The following RASGEF1C variants were observed in gnomAD, a reference collection of about 807,000 sequenced individuals.
RASGEF1C encodes the protein ras-GEF domain-containing family member 1C.
A neutral mutation model predicts 58.1 loss-of-function variants in RASGEF1C; 27 were observed. That is an observed-to-expected ratio of 0.46 (90% confidence interval 0.34 to 0.64). RASGEF1C has a LOEUF of 0.64. Ranked by LOEUF, RASGEF1C falls within the 30% of genes least tolerant of loss-of-function variation. The probability of loss-of-function intolerance (pLI) is 0.01; values close to 1 mark genes in which losing one functional copy is unlikely to be tolerated. For synonymous variants in RASGEF1C, 243 were observed against 246.3 expected (o/e 0.99, Z 0.13); for missense variants, 502 against 605.1 (o/e 0.83, Z 1.79).
Position 180,154,774 on chromosome 5 carries a change from G to A in RASGEF1C, c.-6-16716C>T, listed in dbSNP as rs1047792469. ...TTTTTTGTATTTTTAGTAGAGACAG[G>A]GTTTCACTGTGTTAGCCAGGATGGT... On this transcript the variant is annotated intron_variant, in intron 1 of 13. Coordinates refer to ENST00000361132, the MANE Select transcript of RASGEF1C (RefSeq NM_175062.4). 5.3e-5 allele frequency among the ~76,000 whole-genome samples: 8 copies of A among 152,146 alleles called. No individual in the cohort carries two copies. In the South Asian group the frequency reaches 1.5e-3, roughly 28 times the overall value.
At chr5:180,120,426 G>A (rs1397992722) in intron 7 of RASGEF1C, among the ~76,000 whole-genome samples, 1 of 152,230 alleles carries the variant, frequency 6.6e-6, no homozygotes, top group Non-Finnish European at 1.5e-5. Context: ...CTCAGCACCT[G>A]CTGCGGAGAG....
At chr5:180,115,412 A>C (rs1041254863) in intron 10 of RASGEF1C, 10 of 351,102 alleles carry the variant, frequency 2.8e-5, no homozygotes, top group Non-Finnish European at 5.1e-5. Context: ...GAAGGAAAAG[A>C]AAGGCTCACG....
chr5:180,191,326 A>C (rs1756157904), intron 1 of RASGEF1C, among the ~76,000 whole-genome samples: 3 of 152,020 alleles, frequency 2.0e-5, no homozygotes, highest in Admixed American at 2.0e-4. Context: ...CCACACAAAG[A>C]CTTGCTTATA....
At chr5:180,208,636 A>C (rs1756536372) in intron 1 of RASGEF1C, among the ~76,000 whole-genome samples, 1 of 152,120 alleles carries the variant, frequency 6.6e-6, no homozygotes, top group African/African-American at 2.4e-5. Context: ...GTGCACCGGC[A>C]GGTCTGCTTT....
In RASGEF1C at chr5:180,138,004, T is replaced by C; in HGVS notation, c.49A>G (p.Ser17Gly). Residue 17 changes from serine (S) to glycine (G), a missense_variant, in exon 2 of 14, where the codon AGC becomes GGC. Transcript: ENST00000361132. The stretch of plus-strand genomic sequence containing the variant: ...TCTGTGGGCTCGGTGGGGGGTGGGC[T>C]GAGGCTGCCTGGGGTGACCATGTCG... ...ASDMVTPGSL[S>G]PPPTEPTDGE... 1.3e-6 allele frequency: 2 copies of C among 1,572,028 alleles called. No individual in the cohort carries two copies. Among genetic ancestry groups the C allele is most frequent in the Non-Finnish European group, 1.7e-6 (2 of 1,165,760 alleles).
chr5:180,180,168 CCT>C (rs1310273506), intron 1 of RASGEF1C, among the ~76,000 whole-genome samples: 9 of 152,166 alleles, frequency 5.9e-5, no homozygotes, highest in Non-Finnish European at 8.8e-5. Flanking sequence ...GGCACAGCTG[CCT>C]CTCTCTCCAG....
chr5:180,121,650 C>T (rs1407101321), intron 6 of RASGEF1C, among the ~76,000 whole-genome samples: 1 of 83,968 alleles, frequency 1.2e-5, no homozygotes, highest in African/African-American at 4.8e-5. Flanking sequence ...CACACACACA[C>T]ACACACACAC....
chr5:180,111,622 C>G (rs765947689), intron 11 of RASGEF1C, 42 bp from the exon 12 acceptor site: 1 of 1,612,246 alleles, frequency 6.2e-7, no homozygotes, highest in East Asian at 2.2e-5. Context: ...CACTCCAGTG[C>G]CTGGAGGTCC....
chr5:180,149,240 A>G (rs1766708892), intron 1 of RASGEF1C, among the ~76,000 whole-genome samples: 1 of 151,482 alleles, frequency 6.6e-6, no homozygotes, highest in African/African-American at 2.4e-5. Flanking sequence ...GGTACACACT[A>G]CCACGCCCAG....
intron 1 of RASGEF1C, among the ~76,000 whole-genome samples, chr5:180,147,742 C>T (rs946105545): frequency 1.3e-5 from 2 of 152,118 alleles, no homozygotes; most frequent in African/African-American, 4.8e-5. Context: ...GAGAATATCC[C>T]ACGTGCACTT....
At chr5:180,183,105 CT>C (rs900692765) in intron 1 of RASGEF1C, among the ~76,000 whole-genome samples, 2 of 152,060 alleles carry the variant, frequency 1.3e-5, no homozygotes, top group African/African-American at 4.8e-5. Flanking sequence ...AACAGATAAG[CT>C]TTTTTAAAAA....
At chr5:180,118,142 T>C (rs1022937170) in intron 10 of RASGEF1C, among the ~76,000 whole-genome samples, 1 of 152,190 alleles carries the variant, frequency 6.6e-6, no homozygotes, top group Non-Finnish European at 1.5e-5. Context: ...TGGAAGATCC[T>C]GTGTACCTGG....
Position 180,137,755 on chromosome 5 carries a change from C to T in RASGEF1C, c.178-43G>A, listed in dbSNP as rs1433070002. ...AAGAGGGCACAGGCTCAGGAGGGCA[C>T]CAGGAGGGGCATGCTTCCCAGCTGG... On this transcript the variant is annotated intron_variant, in intron 2 of 13. Coordinates refer to ENST00000361132, the MANE Select transcript of RASGEF1C (RefSeq NM_175062.4). The surrounding 1 kb of genome is among the most constrained non-coding windows in gnomAD (Gnocchi z 4.1). The T allele has an allele frequency of 6.2e-7, 1 of 1,609,338 alleles. No homozygotes were observed. The highest frequency in any genetic ancestry group is 8.5e-7 in the Non-Finnish European group (1 of 1,177,622).
chr5:180,200,086 C>T (rs1300182138), intron 1 of RASGEF1C, among the ~76,000 whole-genome samples: 1 of 151,860 alleles, frequency 6.6e-6, no homozygotes, highest in Non-Finnish European at 1.5e-5. Flanking sequence ...ATGGTGAAAC[C>T]CTGTCTCTAC....
rs1581134783 is a variant in RASGEF1C, at chr5:180,206,505, A to C, written c.-7+2523T>G. ...GTGATACATCGGTGGTGGGAATGCA[A>C]AACGGTGCTACCTCTTGACAAGGAA... On this transcript the variant is annotated intron_variant, in intron 1 of 13. Coordinates refer to ENST00000361132, the MANE Select transcript of RASGEF1C (RefSeq NM_175062.4). Among the ~76,000 whole-genome samples the C allele has an allele frequency of 2.0e-5, 3 of 152,230 alleles. No homozygotes were observed. The South Asian group carries it at 6.2e-4, about 32-fold the overall frequency.
At chr5:180,207,740 T>A (rs1317128122) in intron 1 of RASGEF1C, among the ~76,000 whole-genome samples, 2 of 152,120 alleles carry the variant, frequency 1.3e-5, no homozygotes, top group Non-Finnish European at 2.9e-5. Context: ...CCAGACCCTG[T>A]AGCGTCTCAG....
chr5:180,186,186 G>C (rs777379079), intron 1 of RASGEF1C, among the ~76,000 whole-genome samples: 44 of 150,984 alleles, frequency 2.9e-4, no homozygotes, highest in South Asian at 6.3e-4. Flanking sequence ...AACTAGAGCA[G>C]TTAGGCAAGA....
intron 1 of RASGEF1C, among the ~76,000 whole-genome samples, chr5:180,184,304 G>C (rs963541665): frequency 6.6e-6 from 1 of 151,716 alleles, no homozygotes; most frequent in Admixed American, 6.6e-5. Context: ...GCTGGATGCA[G>C]TGGCTCATGC....
intron 1 of RASGEF1C, among the ~76,000 whole-genome samples, chr5:180,208,438 G>A (rs563639412): frequency 6.6e-6 from 1 of 152,266 alleles, no homozygotes; most frequent in African/African-American, 2.4e-5. Context: ...AATACAATGA[G>A]TGGACCAGGT....
Sources: allele counts gnomAD v4.1 joint callset (sites outside exome capture counted in the v4.1 genomes callset), GRCh38; gene constraint gnomAD v4.1.1; non-coding constraint Gnocchi (gnomAD v3.1); transcripts MANE v1.5; gene names NCBI Gene and HGNC (gene_info 2026-07-23, HGNC 2026-07-21).